RIMS2: variants seen among roughly 807,000 people sequenced by gnomAD.
RIMS2 encodes the protein regulating synaptic membrane exocytosis 2.
Under a neutral mutation model 174.4 loss-of-function variants are expected in RIMS2, and 59 were observed. The ratio of observed to expected loss-of-function variants is 0.34; its 90% CI spans 0.27 to 0.42. RIMS2 has a LOEUF of 0.42. RIMS2 is among the 10% of genes least tolerant of loss of function. RIMS2 has a pLI of 1.00. For synonymous variants in RIMS2, 606 were observed against 572.5 expected (o/e 1.06, Z -0.84); for missense variants, 1,620 against 1,666.3 (o/e 0.97, Z 0.48).
intron 19 of RIMS2, among the ~76,000 whole-genome samples, chr8:104,220,241 A>G (rs1013589734): frequency 2.0e-5 from 3 of 151,950 alleles, no homozygotes; most frequent in Non-Finnish European, 4.4e-5. Flanking sequence ...ACCTTGTGCC[A>G]TTCTTCCGTC....
intron 1 of RIMS2, among the ~76,000 whole-genome samples, chr8:103,620,460 A>G (rs575345206): frequency 2.0e-5 from 3 of 152,308 alleles, no homozygotes; most frequent in East Asian, 1.9e-4. Context: ...CTAAATTTCT[A>G]TGACTACTTA....
chr8:104,171,509 TA>T (rs1586490862), intron 19 of RIMS2, among the ~76,000 whole-genome samples: 1 of 152,128 alleles, frequency 6.6e-6, no homozygotes, highest in East Asian at 1.9e-4. Context: ...TTGTTATATA[TA>T]TATATCTCTC....
chr8:103,627,426 G>A (rs990229543), intron 1 of RIMS2, among the ~76,000 whole-genome samples: 4 of 152,110 alleles, frequency 2.6e-5, no homozygotes, highest in Non-Finnish European at 5.9e-5. Context: ...GGTGATGTAC[G>A]TTTTCAGTTT....
intron 1 of RIMS2, among the ~76,000 whole-genome samples, chr8:103,512,900 G>GT (rs1157310216): frequency 6.6e-6 from 1 of 152,130 alleles, no homozygotes; most frequent in Non-Finnish European, 1.5e-5. Flanking sequence ...AATGAGCTTA[G>GT]TCATTTGTGT....
chr8:104,193,412 T>C (rs2099007941), intron 19 of RIMS2, among the ~76,000 whole-genome samples: 1 of 152,198 alleles, frequency 6.6e-6, no homozygotes, highest in Admixed American at 6.6e-5. Flanking sequence ...CTAAATAACA[T>C]TGAGCTGAAT....
chr8:103,515,389 A>AT (rs1018408096), intron 1 of RIMS2, among the ~76,000 whole-genome samples: 5 of 152,310 alleles, frequency 3.3e-5, no homozygotes, highest in African/African-American at 1.2e-4. Context: ...CAGTTAAGCC[A>AT]TTTTTTGAAG....
At chr8:103,704,723 T>A (rs1019635886) in intron 2 of RIMS2, among the ~76,000 whole-genome samples, 3 of 152,114 alleles carry the variant, frequency 2.0e-5, no homozygotes, top group Non-Finnish European at 2.9e-5. Flanking sequence ...TAGAAATGTA[T>A]CCATTTCTTG....
chr8:103,608,564 G>T (rs569629918), intron 1 of RIMS2, among the ~76,000 whole-genome samples: 1 of 143,436 alleles, frequency 7.0e-6, no homozygotes, highest in Non-Finnish European at 1.5e-5. Flanking sequence ...GCAAGCCTGG[G>T]CAATGGTGGG....
At chr8:103,530,802 CAA>C (rs1836685829) in intron 1 of RIMS2, among the ~76,000 whole-genome samples, 1 of 151,780 alleles carries the variant, frequency 6.6e-6, no homozygotes, top group African/African-American at 2.4e-5. Context: ...CAAAAACAGA[CAA>C]GACAGATCTA....
intron 19 of RIMS2, among the ~76,000 whole-genome samples, chr8:104,187,898 C>T (rs2098976461): frequency 6.6e-6 from 1 of 151,350 alleles, no homozygotes; most frequent in African/African-American, 2.4e-5. Flanking sequence ...GTAATTTTTT[C>T]AAGAGAAGAG....
At chr8:103,978,388 T>C (rs2093627118) in intron 16 of RIMS2, among the ~76,000 whole-genome samples, 2 of 117,340 alleles carry the variant, frequency 1.7e-5, no homozygotes, top group Non-Finnish European at 4.5e-5. Flanking sequence ...ATGAATGCAA[T>C]GTCAAAAGTG....
At chr8:103,994,397 G>T (rs2094935952) in intron 17 of RIMS2, among the ~76,000 whole-genome samples, 1 of 152,072 alleles carries the variant, frequency 6.6e-6, no homozygotes, top group Non-Finnish European at 1.5e-5. Flanking sequence ...TTAAAATTTA[G>T]TAAATGTATT....
At chr8:103,810,086 G>A (rs2098677064) in intron 3 of RIMS2, among the ~76,000 whole-genome samples, 1 of 152,132 alleles carries the variant, frequency 6.6e-6, no homozygotes. Flanking sequence ...AGGGCAGCAA[G>A]GTAGAATCTA....
intron 3 of RIMS2, among the ~76,000 whole-genome samples, chr8:103,795,118 A>AT (rs2098539104): frequency 6.6e-6 from 1 of 152,244 alleles, no homozygotes; most frequent in South Asian, 2.1e-4. Flanking sequence ...TCATGCTGCT[A>AT]TACAGACACA....
chr8:103,863,356 A>G (rs1215581951), intron 3 of RIMS2, among the ~76,000 whole-genome samples: 2 of 151,992 alleles, frequency 1.3e-5, no homozygotes, highest in African/African-American at 2.4e-5. Flanking sequence ...GTTTGCTAGT[A>G]TTTTGTTGAA....
chr8:104,205,040 A>C (rs1259032267), intron 19 of RIMS2, among the ~76,000 whole-genome samples: 1 of 152,188 alleles, frequency 6.6e-6, no homozygotes, highest in Non-Finnish European at 1.5e-5. Flanking sequence ...TTTGGGCATC[A>C]TCCTTGGTGA....
At chr8:104,244,997 C>T (rs759089425) in exon 20 of RIMS2, 3 of 1,613,788 alleles carry the variant, frequency 1.9e-6, no homozygotes, top group Non-Finnish European at 2.5e-6. Flanking sequence ...AACTGGATGA[C>T]TCGACAGGCA....
chr8:103,667,348 G>A (rs540923028), intron 1 of RIMS2, among the ~76,000 whole-genome samples: 2 of 152,244 alleles, frequency 1.3e-5, no homozygotes, highest in East Asian at 3.9e-4. Flanking sequence ...AGTAGAATCT[G>A]CTGTAGAACC....
chr8:104,033,438 T>C (rs866270050), intron 19 of RIMS2, among the ~76,000 whole-genome samples: 3 of 152,044 alleles, frequency 2.0e-5, no homozygotes, highest in Admixed American at 2.0e-4. Context: ...CATGAATATG[T>C]TTGTGGCCAT....
Sources: allele counts gnomAD v4.1 joint callset (sites outside exome capture counted in the v4.1 genomes callset), GRCh38; gene constraint gnomAD v4.1.1; transcripts MANE v1.5; gene names NCBI Gene and HGNC (gene_info 2026-07-23, HGNC 2026-07-21).